The following TBL1XR1 variants were observed in gnomAD, a reference collection of about 807,000 sequenced individuals.
TBL1XR1 encodes the protein TBL1X/Y related 1.
In TBL1XR1, 5 loss-of-function variants were observed where a neutral mutation model predicts 66.9. That is an observed-to-expected ratio of 0.07 (90% CI 0.04 to 0.16). The LOEUF (loss-of-function observed/expected upper bound fraction) is 0.16, where lower values mean the gene tolerates loss of function less well. Ranked by LOEUF, TBL1XR1 falls within the 10% of genes least tolerant of loss-of-function variation. The probability of loss-of-function intolerance (pLI) is 1.00; values close to 1 mark genes in which losing one functional copy is unlikely to be tolerated. For missense variants in TBL1XR1, 238 were observed against 623.2 expected, an observed-to-expected ratio of 0.38 and a Z score of 6.58; for synonymous variants, 210 against 206.0, an observed-to-expected ratio of 1.02 and a Z score of -0.17.
At chr3:177,124,554 G>T (rs1476784747) in intron 1 of TBL1XR1, among the ~76,000 whole-genome samples, 2 of 151,988 alleles carry the variant, frequency 1.3e-5, no homozygotes, top group East Asian at 3.9e-4. Context: ...AAACTCCTCA[G>T]CTTTAAATGA....
At chr3:177,177,961 G>A (rs924503653) in intron 1 of TBL1XR1, among the ~76,000 whole-genome samples, 4 of 152,194 alleles carry the variant, frequency 2.6e-5, no homozygotes, top group East Asian at 1.9e-4. Flanking sequence ...AAACTGCCGC[G>A]GGTGGGCAGT....
At chr3:177,032,942 A>G (rs1714214244) in intron 14 of TBL1XR1, 29 bp downstream of exon 14, 1 of 1,501,000 alleles carries the variant, frequency 6.7e-7, no homozygotes, top group Non-Finnish European at 9.0e-7. Flanking sequence ...ATTTAAGAGC[A>G]CTTGACCATT....
intron 1 of TBL1XR1, among the ~76,000 whole-genome samples, chr3:177,182,858 A>G (rs1345343410): frequency 1.3e-5 from 2 of 152,154 alleles, no homozygotes; most frequent in Admixed American, 6.6e-5. Flanking sequence ...AATTATCCAA[A>G]CTTCTTCTCT....
At position 177,159,759 on chromosome 3, in the gene TBL1XR1, G is replaced by A. The variant is rs973970497; in HGVS notation, c.-122+37362C>T. ...AGTAATGTCCCTGCTGCCACCTGATGCACAGGGCTTAGTAAAGACTAATGA... is the reference window on the plus strand; with the variant it reads ...AGTAATGTCCCTGCTGCCACCTGATACACAGGGCTTAGTAAAGACTAATGA... On this transcript the variant is annotated intron_variant, in intron 1 of 15. Transcript: ENST00000457928. Among the ~76,000 whole-genome samples, 3 of 152,178 alleles carry A rather than the reference G, an allele frequency of 2.0e-5. No homozygotes were observed. The South Asian group carries it at 6.2e-4, about 31-fold the overall frequency.
At chr3:177,167,286 GA>G (rs1732934560) in intron 1 of TBL1XR1, among the ~76,000 whole-genome samples, 1 of 152,178 alleles carries the variant, frequency 6.6e-6, no homozygotes, top group African/African-American at 2.4e-5. Context: ...TGACATTCTG[GA>G]AAAGGCAAAA....
At chr3:177,065,658 T>A (rs373892348) in intron 2 of TBL1XR1, among the ~76,000 whole-genome samples, 1 of 152,360 alleles carries the variant, frequency 6.6e-6, no homozygotes, top group Admixed American at 6.5e-5. Context: ...AACTGAGGCA[T>A]GACTCAAATA....
intron 2 of TBL1XR1, among the ~76,000 whole-genome samples, chr3:177,081,422 T>A (rs1407022819): frequency 6.6e-6 from 1 of 152,178 alleles, no homozygotes. Context: ...TCTTACCTTG[T>A]CCATCATTTT....
At chr3:177,140,402 T>C (rs1729501488) in intron 1 of TBL1XR1, among the ~76,000 whole-genome samples, 1 of 152,210 alleles carries the variant, frequency 6.6e-6, no homozygotes, top group Non-Finnish European at 1.5e-5. Context: ...AGGCCTTTGC[T>C]ACAAGCAGTC....
chr3:177,132,690 A>T (rs1488583665), intron 1 of TBL1XR1, among the ~76,000 whole-genome samples: 2 of 152,240 alleles, frequency 1.3e-5, no homozygotes, highest in Non-Finnish European at 2.9e-5. Flanking sequence ...GGTACAAATG[A>T]CAAGAATCCA....
chr3:177,038,363 C>T lies in TBL1XR1; in HGVS notation c.997G>A (p.Val333Ile), dbSNP rs1458872045. 3 of 1,587,984 alleles carry T rather than the reference C, an allele frequency of 1.9e-6. No homozygotes were observed. Among genetic ancestry groups the T allele is most frequent in the African/African-American group, 1.3e-5 (1 of 74,506 alleles). The change falls in exon 11 of 16, where the codon GTC becomes ATC. Residue 333 changes from valine (V) to isoleucine (I), a missense_variant. Physicochemically the swap from Val to Ile is conservative, Grantham distance 29. This residue lies in a region of TBL1XR1 where 89 missense variants were observed against 220.2 expected (regional missense o/e 0.40). Coordinates refer to ENST00000457928, the MANE Select transcript of TBL1XR1 (RefSeq NM_024665.7). Reference protein sequence around the residue: ...ASCSTDMCIHVCKLGQDRPIK... With the variant: ...ASCSTDMCIHICKLGQDRPIK... The stretch of plus-strand genomic sequence containing the variant: ...GGTCTGTCTTGTCCTAATTTACAGA[C>T]ATGAATGCACATATCTGTACTACAA...
At chr3:177,083,810 C>A (rs1430876767) in intron 2 of TBL1XR1, among the ~76,000 whole-genome samples, 1 of 151,532 alleles carries the variant, frequency 6.6e-6, no homozygotes, top group African/African-American at 2.4e-5. Context: ...AAAAACTTGG[C>A]CAAGCATGGT....
At chr3:177,070,107 T>A (rs1297997502) in intron 2 of TBL1XR1, among the ~76,000 whole-genome samples, 1 of 152,228 alleles carries the variant, frequency 6.6e-6, no homozygotes, top group Non-Finnish European at 1.5e-5. Flanking sequence ...TTTTTAAAAG[T>A]CTCAGCAAAG....
chr3:177,145,612 T>C (rs190969831), intron 1 of TBL1XR1, among the ~76,000 whole-genome samples: 7 of 152,338 alleles, frequency 4.6e-5, no homozygotes, highest in East Asian at 1.9e-4. Flanking sequence ...AAGGTAACCA[T>C]GTACTTGAAA....
Position 177,021,124 on chromosome 3 carries a change from T to C in TBL1XR1, c.*4374A>G, listed in dbSNP as rs1712299457. 1 of 152,168 alleles carries C rather than the reference T, an allele frequency of 6.6e-6. No individual in the cohort carries two copies. The highest frequency in any genetic ancestry group is 2.4e-5 in the African/African-American group (1 of 41,450). The allele number at this position is 152,168 out of a possible 1,614,324, so 9.4% of individuals were successfully genotyped here. A position where few individuals can be genotyped will look rare whatever the true frequency, so the allele number is the denominator to read the frequency against. ...ATGCAGACATTTTAATCCAGTGCTA[T>C]AGGTAGGCTCACAGAATTAGACCCA... On this transcript the variant is annotated 3_prime_UTR_variant, in exon 16 of 16. Transcript: ENST00000457928.
intron 1 of TBL1XR1, among the ~76,000 whole-genome samples, chr3:177,192,356 C>T (rs1015435200): frequency 6.7e-6 from 1 of 150,314 alleles, no homozygotes; most frequent in African/African-American, 2.4e-5. Flanking sequence ...GCACTCCAAC[C>T]TGCACTCCAA....
At chr3:177,083,826 A>G (rs1338416748) in intron 2 of TBL1XR1, among the ~76,000 whole-genome samples, 2 of 151,928 alleles carry the variant, frequency 1.3e-5, no homozygotes, top group East Asian at 1.9e-4. Context: ...ATGGTGGCTC[A>G]CGCCTGTAAT....
At chr3:177,146,700 C>T (rs1417705146) in intron 1 of TBL1XR1, among the ~76,000 whole-genome samples, 1 of 151,134 alleles carries the variant, frequency 6.6e-6, no homozygotes, top group Non-Finnish European at 1.5e-5. Flanking sequence ...TTTTCCAAAA[C>T]CCAAACTATC....
chr3:177,046,201 A>C lies in TBL1XR1; in HGVS notation c.865-12T>G. 6.5e-7 allele frequency: 1 copy of C among 1,531,746 alleles called. No individual in the cohort carries two copies. The allele number at this position is 1,531,746 out of a possible 1,614,324, so 94.9% of individuals were successfully genotyped here. On this transcript the variant is annotated splice_polypyrimidine_tract_variant and intron_variant, in intron 9 of 15. Coordinates refer to ENST00000457928, the MANE Select transcript of TBL1XR1 (RefSeq NM_024665.7). ...CAAATAATTGTAGTCTGAGATTAAA[A>C]GGAAAAGAAAAATAAACTCATGGAA...
chr3:177,162,367 AG>A (rs1577351268), intron 1 of TBL1XR1, among the ~76,000 whole-genome samples: 2 of 152,338 alleles, frequency 1.3e-5, no homozygotes, highest in African/African-American at 4.8e-5. Context: ...TGGACAAGGG[AG>A]CCTGCCTGCC....
Sources: allele counts gnomAD v4.1 joint callset (sites outside exome capture counted in the v4.1 genomes callset), GRCh38; gene constraint gnomAD v4.1.1; regional missense constraint gnomAD v4.1.1; transcripts MANE v1.5; gene names NCBI Gene and HGNC (gene_info 2026-07-23, HGNC 2026-07-21).